Variants in HMG20A observed in about 807,000 individuals in gnomAD.
HMG20A encodes the protein high mobility group protein 20A.
HMG20A carries 17 observed loss-of-function variants against 43.9 expected under a neutral mutation model. That is an observed-to-expected ratio of 0.39 (90% CI 0.27 to 0.58). The LOEUF is 0.58. Ranked by LOEUF, HMG20A falls within the 20% of genes least tolerant of loss-of-function variation. HMG20A has a pLI of 0.59. For synonymous variants in HMG20A, 132 were observed against 147.5 expected, an observed-to-expected ratio of 0.89 and a Z score of 0.76; for missense variants, 341 against 438.2, an observed-to-expected ratio of 0.78 and a Z score of 1.98.
intron 8 of HMG20A, 134 bp from the exon 9 acceptor site, chr15:77,479,045 T>C: frequency 1.2e-6 from 1 of 806,102 alleles, no homozygotes; most frequent in South Asian, 1.5e-5. Context: ...CTTTGAGATC[T>C]AAAAGTCTCT....
chr15:77,513,340 C>T, the HMG20A span, among the ~76,000 whole-genome samples: 214 of 152,272 alleles, frequency 1.4e-3, no homozygotes, highest in African/African-American at 5.0e-3. Context: ...AATGCCTCTA[C>T]CCTATGACCC....
chr15:77,428,881 G>A (rs150297218), intron 1 of HMG20A, among the ~76,000 whole-genome samples: 64 of 151,570 alleles, frequency 4.2e-4, no homozygotes, highest in African/African-American at 1.3e-3. Context: ...CCAGAGGATC[G>A]CATAAGCCCA....
rs1307010821 is a variant in HMG20A at position 77,458,482 on chromosome 15, T to C, written c.75T>C (p.Asp25=). Residue 25 remains aspartate (D), a synonymous_variant, in exon 2 of 10, where the codon GAT becomes GAC. Coordinates refer to ENST00000336216, the MANE Select transcript of HMG20A (RefSeq NM_001304504.2). ...ADEDGSKESN[D]LATTGLNHPE... Reference sequence around the variant, plus strand: ...AAGACGGTTCCAAGGAGAGTAATGATCTGGCTACCACTGGGTAAGCAGCTG... The same window carrying C: ...AAGACGGTTCCAAGGAGAGTAATGACCTGGCTACCACTGGGTAAGCAGCTG... 1 of 1,611,716 alleles carries C rather than the reference T, an allele frequency of 6.2e-7. No homozygotes were observed. Among genetic ancestry groups the C allele is most frequent in the Non-Finnish European group, 8.5e-7 (1 of 1,177,930 alleles).
At chr15:77,512,655 C>T in the HMG20A span, among the ~76,000 whole-genome samples, 1 of 151,978 alleles carries the variant, frequency 6.6e-6, no homozygotes, top group African/African-American at 2.4e-5. Flanking sequence ...TCACATTTTG[C>T]AAGCACTGTA....
At chr15:77,490,565 G>A (rs965793751), downstream of HMG20A, among the ~76,000 whole-genome samples, 1 of 152,218 alleles carries the variant, frequency 6.6e-6, no homozygotes. Context: ...GCTTACGCGT[G>A]TAATCCCAGT....
chr15:77,507,601 G>A, the HMG20A span, among the ~76,000 whole-genome samples: 3,326 of 152,348 alleles, frequency 0.022, 54 homozygotes, highest in Middle Eastern at 0.037. Context: ...GCCAAGCCAC[G>A]CGAAGGGCTG....
At chr15:77,431,273 G>T (rs138572610) in intron 1 of HMG20A, among the ~76,000 whole-genome samples, 1 of 152,128 alleles carries the variant, frequency 6.6e-6, no homozygotes, top group African/African-American at 2.4e-5. Flanking sequence ...ATGCAGTGGC[G>T]TGATCTCAGC....
In HMG20A at chr15:77,464,392, G is replaced by T. The variant is rs2072735891; in HGVS notation, c.237+5G>T. 6.2e-7 allele frequency: 1 copy of T among 1,613,048 alleles called. No homozygotes were observed. The highest frequency in any genetic ancestry group is 8.5e-7 in the Non-Finnish European group (1 of 1,179,316). ...GAACAGAGGCATGAAGATGAGGTAA[G>T]CTGAAGTATCTCCTTCTGTTCCTAT... On this transcript the variant is annotated splice_donor_5th_base_variant and intron_variant, in intron 3 of 9. Transcript: ENST00000336216.
chr15:77,434,983 A>G (rs1289665415), intron 1 of HMG20A, among the ~76,000 whole-genome samples: 1 of 152,156 alleles, frequency 6.6e-6, no homozygotes, highest in Non-Finnish European at 1.5e-5. Flanking sequence ...TCGAAATAGA[A>G]TGGGTAAACA....
chr15:77,465,029 G>T (rs2072741961), intron 3 of HMG20A, among the ~76,000 whole-genome samples: 1 of 151,906 alleles, frequency 6.6e-6, no homozygotes, highest in South Asian at 2.1e-4. Context: ...GGATGCCAAG[G>T]CAGGTGGATT....
Position 77,456,634 on chromosome 15 carries a change from C to CAAAAAAAAAAAAAA in HMG20A, c.-4-1762_-4-1749dup. On this transcript the variant is annotated intron_variant, in intron 1 of 9. Transcript: ENST00000336216. ...GGCGTGGGCAACAGAGCGAGACTGTCAAAAAAAAAAAAAAAAAAAAAGCCA... is the reference window on the plus strand; with the variant it reads ...GGCGTGGGCAACAGAGCGAGACTGTCAAAAAAAAAAAAAAAAAAAAAAAAAAAAAAAAAAAGCCA... Among the ~76,000 whole-genome samples the CAAAAAAAAAAAAAA allele has an allele frequency of 2.1e-5, 2 of 95,386 alleles. 1 individual carries two copies. Among genetic ancestry groups the CAAAAAAAAAAAAAA allele is most frequent in the African/African-American group, 8.2e-5 (2 of 24,452 alleles). The allele number at this position is 95,386 out of a possible 152,430, so 62.6% of individuals were successfully genotyped here. A position where few individuals can be genotyped will look rare whatever the true frequency, so the allele number is the denominator to read the frequency against.
chr15:77,432,478 T>C (rs1181910121), intron 1 of HMG20A, among the ~76,000 whole-genome samples: 2 of 152,092 alleles, frequency 1.3e-5, no homozygotes, highest in Non-Finnish European at 2.9e-5. Context: ...TCTCAGCACC[T>C]TGGGAGGCCG....
At chr15:77,446,746 G>A (rs2073678631) in intron 1 of HMG20A, among the ~76,000 whole-genome samples, 1 of 151,398 alleles carries the variant, frequency 6.6e-6, no homozygotes, top group East Asian at 1.9e-4. Context: ...GGCAGAGCTT[G>A]CAGTGAGCCA....
At position 77,471,793 on chromosome 15, in the gene HMG20A, G is replaced by A. The variant is rs1339739022; in HGVS notation, c.594G>A (p.Arg198=). Residue 198 remains arginine, a synonymous_variant, in exon 6 of 10, where the codon CGG becomes CGA. Transcript: ENST00000336216. ...CTTTTATATTTTTAGATGCAGCCCG[G>A]CAGGCCACTCATGATCATGAGGTAA... ...KGKSHRQDAA[R]QATHDHEKET... is the part of the protein sequence containing the mutation. 2 of 1,571,088 alleles carry A rather than the reference G, an allele frequency of 1.3e-6. No individual in the cohort carries two copies. Among genetic ancestry groups the A allele is most frequent in the Non-Finnish European group, 1.7e-6 (2 of 1,147,822 alleles).
chr15:77,506,395 C>T, the HMG20A span, among the ~76,000 whole-genome samples: 16 of 152,150 alleles, frequency 1.1e-4, no homozygotes, highest in South Asian at 2.1e-4. Context: ...ATGAAGCCGC[C>T]GATGCCCCTT....
the HMG20A span, among the ~76,000 whole-genome samples, chr15:77,508,041 G>A: frequency 7.2e-5 from 11 of 152,170 alleles, no homozygotes; most frequent in African/African-American, 2.4e-4. Flanking sequence ...CAAGCCCTAC[G>A]CACACAGTCT....
intron 9 of HMG20A, among the ~76,000 whole-genome samples, chr15:77,481,595 CAA>C (rs1288682709): frequency 1.3e-5 from 2 of 152,096 alleles, no homozygotes. Context: ...TTTTTCATCT[CAA>C]GAGTATAAAC....
At chr15:77,428,422 A>T (rs546876861) in intron 1 of HMG20A, among the ~76,000 whole-genome samples, 3 of 152,362 alleles carry the variant, frequency 2.0e-5, no homozygotes, top group African/African-American at 7.2e-5. Flanking sequence ...AGTCTGACAT[A>T]AGATTCTTAA....
Position 77,476,439 on chromosome 15 carries a change from C to T in HMG20A, c.616-1116C>T, listed in dbSNP as rs187323195. Among the ~76,000 whole-genome samples, 712 of 133,636 alleles carry T rather than the reference C, an allele frequency of 5.3e-3. 4 individuals carry two copies. Among genetic ancestry groups the T allele is most frequent in the African/African-American group, 0.018 (659 of 35,626 alleles). The allele number at this position is 133,636 out of a possible 152,430, so 87.7% of individuals were successfully genotyped here. ...GACAGAGGTTGCAGTGAGCTGAGAT[C>T]GTGCCACTGTACTCCACCCTGGGCA... On this transcript the variant is annotated intron_variant, in intron 6 of 9. Transcript: ENST00000336216.
Sources: allele counts gnomAD v4.1 joint callset (sites outside exome capture counted in the v4.1 genomes callset), GRCh38; gene constraint gnomAD v4.1.1; transcripts MANE v1.5; gene names NCBI Gene and HGNC (gene_info 2026-07-23, HGNC 2026-07-21).